GPC5: variants seen among roughly 807,000 people sequenced by gnomAD.
GPC5 encodes glypican-5.
GPC5 carries 47 observed loss-of-function variants against 53.9 expected under a neutral mutation model. That is an observed-to-expected ratio of 0.87 (90% CI 0.69 to 1.11). The LOEUF is 1.11. Ranked by LOEUF, GPC5 falls within the 50% of genes most tolerant of loss-of-function variation. GPC5 has a pLI of 0.00. For missense variants in GPC5, 748 were observed against 713.1 expected (o/e 1.05, Z -0.56); for synonymous variants, 286 against 263.3 (o/e 1.09, Z -0.84).
chr13:92,752,700 C>T (rs1874623624), intron 7 of GPC5, among the ~76,000 whole-genome samples: 1 of 152,102 alleles, frequency 6.6e-6, no homozygotes, highest in Non-Finnish European at 1.5e-5. Flanking sequence ...TCAGGGAGTT[C>T]CCTTTCCTAG....
intron 7 of GPC5, among the ~76,000 whole-genome samples, chr13:92,224,438 G>A (rs1303821370): frequency 6.6e-6 from 1 of 152,144 alleles, no homozygotes; most frequent in Non-Finnish European, 1.5e-5. Context: ...TTGTACAAAC[G>A]AGAATTAACA....
intron 7 of GPC5, among the ~76,000 whole-genome samples, chr13:92,805,762 G>A (rs960780590): frequency 9.2e-5 from 14 of 151,906 alleles, no homozygotes; most frequent in African/African-American, 3.4e-4. Context: ...CTGAGCAGTA[G>A]GTCTTAATAG....
At chr13:92,011,884 C>G (rs2040665020) in intron 6 of GPC5, among the ~76,000 whole-genome samples, 1 of 152,112 alleles carries the variant, frequency 6.6e-6, no homozygotes, top group Admixed American at 6.5e-5. Context: ...CTGTAATGTT[C>G]ACAGGTCAGT....
chr13:92,427,185 G>A (rs1422736603), intron 7 of GPC5, among the ~76,000 whole-genome samples: 1 of 151,508 alleles, frequency 6.6e-6, no homozygotes, highest in Non-Finnish European at 1.5e-5. Flanking sequence ...AATATAGCAG[G>A]TCGATTTCTA....
At chr13:92,736,026 T>A (rs1888925776) in intron 7 of GPC5, among the ~76,000 whole-genome samples, 1 of 152,024 alleles carries the variant, frequency 6.6e-6, no homozygotes, top group Admixed American at 6.6e-5. Context: ...TACCCAGTTG[T>A]TTAGATAAAC....
At chr13:92,438,805 G>A (rs1160811398) in intron 7 of GPC5, among the ~76,000 whole-genome samples, 2 of 152,044 alleles carry the variant, frequency 1.3e-5, no homozygotes, top group Non-Finnish European at 2.9e-5. Flanking sequence ...AAGGAGGAAA[G>A]GAGGTCAAGA....
At chr13:91,566,064 G>A (rs1181244455) in intron 2 of GPC5, among the ~76,000 whole-genome samples, 5 of 151,974 alleles carry the variant, frequency 3.3e-5, no homozygotes, top group Non-Finnish European at 5.9e-5. Context: ...GCATCATCTC[G>A]TCTCAAGATC....
chr13:92,007,229 T>A (rs909542588), intron 6 of GPC5, among the ~76,000 whole-genome samples: 1 of 152,174 alleles, frequency 6.6e-6, no homozygotes, highest in African/African-American at 2.4e-5. Context: ...GCATACATAT[T>A]TTAAAAGGCA....
chr13:91,699,151 A>T (rs1326536986), intron 3 of GPC5, among the ~76,000 whole-genome samples: 1 of 152,228 alleles, frequency 6.6e-6, no homozygotes, highest in Non-Finnish European at 1.5e-5. Context: ...CATGACTCAG[A>T]TCAGAATGTA....
chr13:91,544,111 TAA>T (rs995344518), intron 2 of GPC5, among the ~76,000 whole-genome samples: 1 of 148,796 alleles, frequency 6.7e-6, no homozygotes, highest in Non-Finnish European at 1.5e-5. Context: ...TTACAGTGGT[TAA>T]AAAAAAAAGA....
intron 7 of GPC5, among the ~76,000 whole-genome samples, chr13:92,396,995 C>T (rs1270361443): frequency 6.6e-6 from 1 of 152,196 alleles, no homozygotes; most frequent in Non-Finnish European, 1.5e-5. Flanking sequence ...CTGTTTCCCT[C>T]CATGTGCTAA....
chr13:91,611,843 T>C (rs1367049632), intron 2 of GPC5, among the ~76,000 whole-genome samples: 1 of 152,192 alleles, frequency 6.6e-6, no homozygotes, highest in African/African-American at 2.4e-5. Context: ...ATGCTCTCTT[T>C]TTCCTTCCTG....
intron 6 of GPC5, among the ~76,000 whole-genome samples, chr13:91,999,042 C>T (rs938349683): frequency 3.9e-5 from 6 of 152,044 alleles, no homozygotes; most frequent in Non-Finnish European, 7.4e-5. Context: ...TTAATGTTGG[C>T]CATGTTTAAA....
intron 5 of GPC5, among the ~76,000 whole-genome samples, chr13:91,760,936 TCAAA>T (rs773166972): frequency 2.0e-5 from 3 of 152,238 alleles, no homozygotes; most frequent in Non-Finnish European, 4.4e-5. Context: ...GGTCAACAGT[TCAAA>T]CAATTTCTGA....
chr13:91,960,054 T>C lies in GPC5; in HGVS notation c.1401+51997T>C, dbSNP rs573666631. On this transcript the variant is annotated intron_variant, in intron 6 of 7. Coordinates refer to ENST00000377067, the MANE Select transcript of GPC5 (RefSeq NM_004466.6). Reference sequence around the variant, plus strand: ...AGACTTTTAACACTGCTATTCAACATAGTACTGAAAATCCTAGCCAGAGAA... The same window carrying C: ...AGACTTTTAACACTGCTATTCAACACAGTACTGAAAATCCTAGCCAGAGAA... Among the ~76,000 whole-genome samples the C allele has an allele frequency of 1.3e-4, 19 of 151,806 alleles. No individual in the cohort carries two copies. In the East Asian group the frequency reaches 2.9e-3, roughly 23 times the overall value.
intron 2 of GPC5, among the ~76,000 whole-genome samples, chr13:91,638,063 A>C (rs979083301): frequency 6.6e-5 from 10 of 152,216 alleles, no homozygotes; most frequent in Non-Finnish European, 1.2e-4. Context: ...AGGCAAATGT[A>C]GGAAAACAGC....
At chr13:91,457,129 A>G (rs1881617146) in intron 2 of GPC5, among the ~76,000 whole-genome samples, 1 of 152,056 alleles carries the variant, frequency 6.6e-6, no homozygotes, top group Non-Finnish European at 1.5e-5. Context: ...GATGTATTAC[A>G]TTACTTGCCA....
At chr13:92,009,210 T>G (rs1404857676) in intron 6 of GPC5, among the ~76,000 whole-genome samples, 1 of 151,906 alleles carries the variant, frequency 6.6e-6, no homozygotes, top group East Asian at 1.9e-4. Flanking sequence ...AATTTTGTAT[T>G]TGATGCTCAT....
At chr13:91,476,068 G>A (rs748791660) in intron 2 of GPC5, among the ~76,000 whole-genome samples, 20 of 152,216 alleles carry the variant, frequency 1.3e-4, no homozygotes, top group Non-Finnish European at 2.4e-4. Context: ...TGCATTGTTT[G>A]ATGGCTTTTT....
Sources: allele counts gnomAD v4.1 joint callset (sites outside exome capture counted in the v4.1 genomes callset), GRCh38; gene constraint gnomAD v4.1.1; transcripts MANE v1.5; gene names NCBI Gene and HGNC (gene_info 2026-07-23, HGNC 2026-07-21).